Variants in C13orf42 observed in about 807,000 individuals in gnomAD.
C13orf42 encodes the protein chromosome 13 open reading frame 42.
At chr13:51,133,592 GA>G (rs1180394449) in intron 1 of C13orf42, among the ~76,000 whole-genome samples, 1 of 152,012 alleles carries the variant, frequency 6.6e-6, no homozygotes, top group Non-Finnish European at 1.5e-5. Flanking sequence ...GGCAATTTCA[GA>G]AACACTCTGG....
At chr13:51,157,901 A>AAGGAAAG (rs1439688453) in intron 1 of C13orf42, among the ~76,000 whole-genome samples, 35 of 152,372 alleles carry the variant, frequency 2.3e-4, no homozygotes, top group Middle Eastern at 3.4e-3. Context: ...TGGCAAGAGC[A>AAGGAAAG]AGGAAAGAGG....
At chr13:51,102,098 T>G (rs1270638043) in intron 1 of C13orf42, among the ~76,000 whole-genome samples, 1 of 152,168 alleles carries the variant, frequency 6.6e-6, no homozygotes, top group Non-Finnish European at 1.5e-5. Context: ...TAATAGGAAA[T>G]TTTTTGCAGT....
chr13:51,171,030 C>T (rs539318016), intron 1 of C13orf42, among the ~76,000 whole-genome samples: 5 of 152,094 alleles, frequency 3.3e-5, no homozygotes, highest in African/African-American at 7.2e-5. Flanking sequence ...CCCTTATTTC[C>T]GTGCCCCAAC....
intron 1 of C13orf42, among the ~76,000 whole-genome samples, chr13:51,108,565 G>A (rs919032308): frequency 8.5e-5 from 13 of 152,158 alleles, no homozygotes; most frequent in Non-Finnish European, 1.6e-4. Context: ...CTGAAAAGAC[G>A]GCTAAGAGCC....
intron 1 of C13orf42, among the ~76,000 whole-genome samples, chr13:51,099,191 T>G (rs1953263026): frequency 6.6e-6 from 1 of 152,210 alleles, no homozygotes; most frequent in African/African-American, 2.4e-5. Flanking sequence ...ACTTATCTAT[T>G]TCTTTTATAT....
At position 51,137,398 on chromosome 13, in the gene C13orf42, T is replaced by C. The variant is rs183369033; in HGVS notation, n.137-24176A>G. Among the ~76,000 whole-genome samples, 43 of 152,310 alleles carry C rather than the reference T, an allele frequency of 2.8e-4. No homozygotes were observed. The East Asian group carries it at 7.1e-3, about 25-fold the overall frequency. ...CATCTGTCTGTGGGTTCCCAGGTCCTGTCACTCTCAAACAGGGCTGTGATG... is the reference window on the plus strand; with the variant it reads ...CATCTGTCTGTGGGTTCCCAGGTCCCGTCACTCTCAAACAGGGCTGTGATG... On this transcript the variant is annotated intron_variant and non_coding_transcript_variant, in intron 1 of 4. Transcript: ENST00000433280.
intron 1 of C13orf42, among the ~76,000 whole-genome samples, chr13:51,133,772 G>A (rs542401221): frequency 2.8e-4 from 42 of 152,220 alleles, no homozygotes; most frequent in African/African-American, 6.5e-4. Flanking sequence ...CCTGCATCTC[G>A]AACTCTGTGC....
chr13:51,124,288 CG>C (rs1490803464), intron 1 of C13orf42, among the ~76,000 whole-genome samples: 1 of 152,122 alleles, frequency 6.6e-6, no homozygotes, highest in Non-Finnish European at 1.5e-5. Flanking sequence ...CCCAAGTTTC[CG>C]GGGAGACTGA....
upstream of C13orf42, among the ~76,000 whole-genome samples, chr13:51,112,091 G>A (rs1353373352): frequency 1.3e-5 from 2 of 152,242 alleles, no homozygotes; most frequent in Non-Finnish European, 2.9e-5. Flanking sequence ...CAAGAGGGCT[G>A]TAGGAATCTA....
chr13:51,123,460 A>C (rs1169621355), intron 1 of C13orf42, among the ~76,000 whole-genome samples: 1 of 152,176 alleles, frequency 6.6e-6, no homozygotes, highest in Non-Finnish European at 1.5e-5. Flanking sequence ...TGTGGACCAA[A>C]GCAAGTCATA....
At chr13:51,121,123 C>T (rs1054321086) in intron 1 of C13orf42, among the ~76,000 whole-genome samples, 1 of 152,104 alleles carries the variant, frequency 6.6e-6, no homozygotes, top group Admixed American at 6.5e-5. Flanking sequence ...GTAGCTGAGC[C>T]CAGGGTTGAG....
intron 1 of C13orf42, among the ~76,000 whole-genome samples, chr13:51,107,480 G>C (rs1266967663): frequency 6.6e-6 from 1 of 152,180 alleles, no homozygotes; most frequent in African/African-American, 2.4e-5. Context: ...AATCAAAATA[G>C]TTTAAAAGCC....
chr13:51,104,765 CTATTA>C (rs1314243096), intron 1 of C13orf42, among the ~76,000 whole-genome samples: 3 of 121,904 alleles, frequency 2.5e-5, no homozygotes, highest in African/African-American at 3.6e-5. Context: ...TGAATTAAAG[CTATTA>C]TATTAAAAAA....
At chr13:51,138,807 T>G (rs1342013762) in intron 1 of C13orf42, among the ~76,000 whole-genome samples, 3 of 152,234 alleles carry the variant, frequency 2.0e-5, no homozygotes, top group African/African-American at 7.2e-5. Context: ...GCAGCACTAT[T>G]CACAACAGCC....
chr13:51,138,590 G>A (rs1288311027), intron 1 of C13orf42, among the ~76,000 whole-genome samples: 2 of 152,200 alleles, frequency 1.3e-5, no homozygotes, highest in African/African-American at 2.4e-5. Context: ...AAAGACGATC[G>A]GTGTTGGCAA....
At chr13:51,144,314 C>A (rs1039942619) in intron 1 of C13orf42, among the ~76,000 whole-genome samples, 31 of 143,116 alleles carry the variant, frequency 2.2e-4, no homozygotes, top group African/African-American at 7.9e-4. Context: ...GTTTGCTGAT[C>A]CTTTGTTTTG....
At chr13:51,133,504 T>C (rs1010432822) in intron 1 of C13orf42, among the ~76,000 whole-genome samples, 10 of 152,290 alleles carry the variant, frequency 6.6e-5, no homozygotes, top group Admixed American at 5.2e-4. Flanking sequence ...TTTTAAAAAC[T>C]ATAAAAAATT....
rs1321891614 is a variant in C13orf42, at chr13:51,110,805, T to C, written c.405A>G (p.Lys135=). 2.5e-6 allele frequency: 1 copy of C among 398,552 alleles called. No individual in the cohort carries two copies. The highest frequency in any genetic ancestry group is 4.4e-6 in the Non-Finnish European group (1 of 226,092). 24.7% of individuals were successfully genotyped at this position (398,552 alleles called of 1,614,324 possible). The change falls in exon 1 of 4, where the codon AAA becomes AAG. Residue 135 remains lysine (K), a synonymous_variant. Coordinates refer to ENST00000563710, the MANE Select transcript of C13orf42 (RefSeq NM_001351589.3). ...GCTCAGCAGCACTTACCTTTATTTC[T>C]TTGGGAGTAGACCGGACAGGAGTCT... ...GKKTPVRSTP[K]EIKKATPKKY...
At chr13:51,099,182 C>T (rs1953262986) in intron 1 of C13orf42, among the ~76,000 whole-genome samples, 1 of 152,112 alleles carries the variant, frequency 6.6e-6, no homozygotes, top group Non-Finnish European at 1.5e-5. Context: ...AAAAGTGATA[C>T]TTATCTATTT....
Sources: gnomAD v4.1 joint callset for allele counts (sites outside exome capture counted in the v4.1 genomes callset) on GRCh38, gnomAD v4.1.1 for gene constraint, MANE v1.5 for transcripts, NCBI Gene and HGNC (gene_info 2026-07-23, HGNC 2026-07-21) for gene names.